Variants in ALOX5 observed in about 807,000 individuals in gnomAD.
ALOX5 encodes arachidonate 5-lipoxygenase, also known as polyunsaturated fatty acid 5-lipoxygenase.
In ALOX5, 64 loss-of-function variants were observed where a neutral mutation model predicts 87.9. That is an observed-to-expected ratio of 0.73 (90% CI 0.60 to 0.90). The LOEUF (loss-of-function observed/expected upper bound fraction) is 0.90. Among genes scored for constraint, ALOX5 ranks in the 40% least tolerant of loss-of-function variants. ALOX5 has a pLI of 0.00. For synonymous variants in ALOX5, 388 were observed against 355.1 expected (o/e 1.09, Z -1.04); for missense variants, 822 against 907.5 (o/e 0.91, Z 1.21).
intron 4 of ALOX5, among the ~76,000 whole-genome samples, chr10:45,418,399 TG>T (rs1005910891): frequency 2.6e-5 from 4 of 152,140 alleles, no homozygotes; most frequent in Admixed American, 1.3e-4. Flanking sequence ...GAGATTAAAA[TG>T]GGATCGCACA....
chr10:45,417,389 A>G (rs947276518), intron 4 of ALOX5, among the ~76,000 whole-genome samples: 2 of 152,188 alleles, frequency 1.3e-5, no homozygotes, highest in African/African-American at 4.8e-5. Flanking sequence ...GTGTATAGCC[A>G]GGATTAAGAA....
chr10:45,380,037 C>T (rs1467197200), intron 1 of ALOX5, among the ~76,000 whole-genome samples: 2 of 152,202 alleles, frequency 1.3e-5, no homozygotes, highest in Admixed American at 1.3e-4. Flanking sequence ...CTGGGCCACT[C>T]AGCCCCCACT....
intron 1 of ALOX5, among the ~76,000 whole-genome samples, chr10:45,381,430 A>C (rs1321747214): frequency 6.6e-6 from 1 of 152,242 alleles, no homozygotes; most frequent in African/African-American, 2.4e-5. Flanking sequence ...CTATGATGGA[A>C]AGACCTGGGG....
At chr10:45,404,558 T>A (rs1050614156) in intron 3 of ALOX5, among the ~76,000 whole-genome samples, 1 of 152,248 alleles carries the variant, frequency 6.6e-6, no homozygotes, top group Non-Finnish European at 1.5e-5. Flanking sequence ...GACCTGCACT[T>A]TTCACTCATC....
chr10:45,396,420 A>G (rs1005048005), intron 3 of ALOX5, among the ~76,000 whole-genome samples: 5 of 152,240 alleles, frequency 3.3e-5, no homozygotes, highest in Admixed American at 2.6e-4. Flanking sequence ...GGGAAAATCA[A>G]TACAGAAATT....
chr10:45,390,329 C>T, intron 2 of ALOX5, among the ~76,000 whole-genome samples: 1 of 152,214 alleles, frequency 6.6e-6, no homozygotes, highest in East Asian at 1.9e-4. Flanking sequence ...CTCAGCTCTC[C>T]AGCAAGCGGA....
At chr10:45,414,750 C>A (rs2132768967) in intron 4 of ALOX5, among the ~76,000 whole-genome samples, 1 of 152,254 alleles carries the variant, frequency 6.6e-6, no homozygotes, top group Admixed American at 6.5e-5. Context: ...AAGAAAAAAA[C>A]AACCCCATCA....
chr10:45,443,262 C>T (rs1285468505), intron 10 of ALOX5, 46 bp downstream of exon 10: 7 of 1,595,614 alleles, frequency 4.4e-6, no homozygotes, highest in Middle Eastern at 1.7e-4. Flanking sequence ...GCCGGGACCC[C>T]TGCCTGACTA....
chr10:45,438,937 C>G (rs1205250566), intron 7 of ALOX5, among the ~76,000 whole-genome samples: 1 of 152,172 alleles, frequency 6.6e-6, no homozygotes, highest in Admixed American at 6.5e-5. Context: ...GTCTCTCTGA[C>G]CAGGGTGGAG....
At chr10:45,394,768 AAAC>A (rs1840436730) in intron 2 of ALOX5, among the ~76,000 whole-genome samples, 1 of 149,110 alleles carries the variant, frequency 6.7e-6, no homozygotes, top group South Asian at 2.1e-4. Flanking sequence ...AGAAAAAAAC[AAAC>A]AACCCCATCA....
intron 7 of ALOX5, among the ~76,000 whole-genome samples, chr10:45,436,246 CTTTAA>C (rs779039388): frequency 5.3e-5 from 8 of 152,246 alleles, no homozygotes; most frequent in Non-Finnish European, 1.2e-4. Context: ...TGCAGAAGCT[CTTTAA>C]TTTGATTAAG....
chr10:45,393,188 G>A (rs561905907), intron 2 of ALOX5, among the ~76,000 whole-genome samples: 19 of 152,154 alleles, frequency 1.2e-4, no homozygotes, highest in African/African-American at 2.9e-4. Context: ...GATGAACATC[G>A]ATGCAAAAAT....
Position 45,428,740 on chromosome 10 carries a change from C to T in ALOX5, c.957C>T (p.Asn319=), listed in dbSNP as rs376303888. ...GCTTGCTGTATAAGAACCTGGCCAA[C>T]AAGATTGTCCCCATTGCCATCCAGG... The part of the protein sequence containing the change: ...PICLLYKNLA[N]KIVPIAIQLN... The change falls in exon 7 of 14, where the codon AAC becomes AAT. Residue 319 remains asparagine, a synonymous_variant. Coordinates refer to ENST00000374391, the MANE Select transcript of ALOX5 (RefSeq NM_000698.5). 3 of 1,613,940 alleles carry T rather than the reference C, an allele frequency of 1.9e-6. No individual in the cohort carries two copies. Among genetic ancestry groups the T allele is most frequent in the Admixed American group, 1.7e-5 (1 of 60,004 alleles).
At chr10:45,392,120 C>G (rs1311788710) in intron 2 of ALOX5, among the ~76,000 whole-genome samples, 2 of 151,536 alleles carry the variant, frequency 1.3e-5, no homozygotes, top group Non-Finnish European at 2.9e-5. Context: ...GCTGCCCCGT[C>G]CGGGAGGTGA....
At chr10:45,396,007 T>C (rs942379180) in intron 3 of ALOX5, 71 bp downstream of exon 3, 2 of 1,505,388 alleles carry the variant, frequency 1.3e-6, no homozygotes, top group Admixed American at 3.4e-5. Context: ...TGGTATGAAA[T>C]AAACCCTTTC....
chr10:45,432,745 G>A (rs1017794923), intron 7 of ALOX5, among the ~76,000 whole-genome samples: 17 of 152,274 alleles, frequency 1.1e-4, no homozygotes, highest in African/African-American at 3.4e-4. Context: ...AACTAATTAC[G>A]CAGACACTCA....
chr10:45,443,604 C>T, intron 11 of ALOX5, 67 bp downstream of exon 11: 2 of 1,593,956 alleles, frequency 1.3e-6, no homozygotes. Flanking sequence ...CCTCCGCCAC[C>T]CCTCCGGGGT....
chr10:45,376,662 T>G (rs1485598315), intron 1 of ALOX5, among the ~76,000 whole-genome samples: 1 of 152,172 alleles, frequency 6.6e-6, no homozygotes, highest in Non-Finnish European at 1.5e-5. Flanking sequence ...TCCACACAAT[T>G]TAATCATTTC....
At chr10:45,423,872 C>T (rs891734627) in intron 4 of ALOX5, among the ~76,000 whole-genome samples, 169 bp from the exon 5 acceptor site, 7 of 152,122 alleles carry the variant, frequency 4.6e-5, no homozygotes, top group African/African-American at 1.2e-4. Context: ...AACAGCATCC[C>T]GTATAGATGC....
Sources: allele counts gnomAD v4.1 joint callset (sites outside exome capture counted in the v4.1 genomes callset), GRCh38; gene constraint gnomAD v4.1.1; transcripts MANE v1.5; gene names NCBI Gene and HGNC (gene_info 2026-07-23, HGNC 2026-07-21).